Variants in KLK7 observed in about 807,000 individuals in gnomAD.
KLK7 encodes kallikrein-7.
A neutral mutation model predicts 21.0 loss-of-function variants in KLK7; 17 were observed. The ratio of observed to expected loss-of-function variants is 0.81; its 90% CI spans 0.55 to 1.21. The LOEUF is 1.21. Ranked by LOEUF, KLK7 falls within the 50% of genes most tolerant of loss-of-function variation. KLK7 has a pLI of 0.00. For missense variants in KLK7, 330 were observed against 322.8 expected, an observed-to-expected ratio of 1.02 and a Z score of -0.17; for synonymous variants, 151 against 134.6, an observed-to-expected ratio of 1.12 and a Z score of -0.85.
In KLK7 at chr19:50,979,870, T is replaced by C. The variant is rs748591385; in HGVS notation, c.524A>G (p.Asp175Gly). 6 of 1,589,866 alleles carry C rather than the reference T, an allele frequency of 3.8e-6. No homozygotes were observed. The South Asian group carries it at 6.9e-5, about 18-fold the overall frequency. The stretch of plus-strand genomic sequence containing the variant: ...TAAGTCCTTGTAAACCTTCGTGCAG[T>C]CCTGGGGGGAGATGAGCTTGACATC... ...CVDVKLISPQ[D>G]CTKVYKDLLE... Residue 175 changes from aspartate to glycine, a missense_variant, in exon 5 of 6, where the codon GAC (aspartate) becomes GGC (glycine). Physicochemically the swap from Asp to Gly is moderately conservative, Grantham distance 94. Transcript: ENST00000595820.
chr19:50,979,759 T>G (rs1275409834), intron 5 of KLK7, 29 bp downstream of exon 5: 7 of 1,556,884 alleles, frequency 4.5e-6, no homozygotes, highest in Non-Finnish European at 6.1e-6. Flanking sequence ...TACCCAGGAC[T>G]GGGGAGGAAT....
chr19:50,980,281 G>A lies in KLK7; in HGVS notation c.428C>T (p.Thr143Ile), dbSNP rs141430297. ...LPSRCEPPGT[T>I]CTVSGWGTTT... Reference sequence around the variant, plus strand: ...AGTGCCCCAGCCGGAGACAGTACAGGTGGTTCCAGGGGGTTCGCAGCGGGA... The same window carrying A: ...AGTGCCCCAGCCGGAGACAGTACAGATGGTTCCAGGGGGTTCGCAGCGGGA... The change falls in exon 4 of 6, where the codon ACC (threonine) becomes ATC (isoleucine). Residue 143 changes from threonine (T) to isoleucine (I), a missense_variant. By Grantham distance (89) the Thr-to-Ile change is moderately conservative (BLOSUM62 -1). Transcript: ENST00000595820. 3 of 1,613,932 alleles carry A rather than the reference G, an allele frequency of 1.9e-6. No homozygotes were observed. The African/African-American group carries it at 4.0e-5, about 22-fold the overall frequency.
In KLK7 at chr19:50,980,454, C is replaced by T. The variant is rs747957479; in HGVS notation, c.255G>A (p.Leu85=). The T allele has an allele frequency of 6.2e-7, 1 of 1,613,940 alleles. No homozygotes were observed. Among genetic ancestry groups the T allele is most frequent in the South Asian group, 1.1e-5 (1 of 91,072 alleles). Residue 85 remains leucine (L), a synonymous_variant, in exon 4 of 6, where the codon CTG becomes CTA. Transcript: ENST00000595820. ...TGATCCTCTGAGCTCTCCTGTCGCC[C>T]AGCGTATCACTGCCCAGGTGCACGG... is the stretch of plus-strand genomic sequence containing the variant. ...EYTVHLGSDT[L]GDRRAQRIKA... is the part of the protein sequence containing the mutation.
chr19:50,979,810 T>A lies in KLK7; in HGVS notation c.584A>T (p.Asp195Val). 1 of 1,572,738 alleles carries A rather than the reference T, an allele frequency of 6.4e-7. No homozygotes were observed. The highest frequency in any genetic ancestry group is 8.6e-7 in the Non-Finnish European group (1 of 1,158,170). Reference sequence around the variant, plus strand: ...CACATTGCAGGCGTTTTTCTTGGAGTCGGGGATGCCAGCGCACAGCATGGA... The same window carrying A: ...CACATTGCAGGCGTTTTTCTTGGAGACGGGGATGCCAGCGCACAGCATGGA... ...ENSMLCAGIP[D>V]SKKNACNGDS... is the part of the protein sequence containing the mutation. The change falls in exon 5 of 6, where the codon GAC becomes GTC. Residue 195 changes from aspartate to valine, a missense_variant. Transcript: ENST00000595820.
chr19:50,981,906 C>A lies in KLK7; in HGVS notation c.82G>T (p.Asp28Tyr). 6.2e-7 allele frequency: 1 copy of A among 1,612,750 alleles called. No homozygotes were observed. The highest frequency in any genetic ancestry group is 8.5e-7 in the Non-Finnish European group (1 of 1,179,604). ...LETAGEEAQGDKIIDGAPCAR... is the reference protein window; with the variant it reads ...LETAGEEAQGYKIIDGAPCAR... ...CATGGGGCGCCATCAATAATCTTGTCACCCTGGGCTGGATGGAGACATGGA... is the reference window on the plus strand; with the variant it reads ...CATGGGGCGCCATCAATAATCTTGTAACCCTGGGCTGGATGGAGACATGGA... The change falls in exon 3 of 6, where the codon GAC (aspartate) becomes TAC (tyrosine). Residue 28 changes from aspartate (D) to tyrosine (Y), a missense_variant. Coordinates refer to ENST00000595820, the MANE Select transcript of KLK7 (RefSeq NM_005046.4).
At position 50,979,812 on chromosome 19, in the gene KLK7, G is replaced by T; in HGVS notation, c.582C>A (p.Pro194=). ...LENSMLCAGI[P]DSKKNACNGD... The stretch of plus-strand genomic sequence containing the variant: ...CATTGCAGGCGTTTTTCTTGGAGTC[G>T]GGGATGCCAGCGCACAGCATGGAAT... Residue 194 remains proline (P), a synonymous_variant, in exon 5 of 6, where the codon CCC becomes CCA. Transcript: ENST00000595820. 1.9e-6 allele frequency: 3 copies of T among 1,574,310 alleles called. No individual in the cohort carries two copies. The highest frequency in any genetic ancestry group is 1.7e-6 in the Non-Finnish European group (2 of 1,158,824).
Position 50,976,644 on chromosome 19 carries a change from C to G in KLK7, c.*892G>C, listed in dbSNP as rs1008449634. On this transcript the variant is annotated 3_prime_UTR_variant, in exon 6 of 6. Coordinates refer to ENST00000595820, the MANE Select transcript of KLK7 (RefSeq NM_005046.4). The stretch of plus-strand genomic sequence containing the variant: ...CATTTTTTATGGGTAGGGTCACATA[C>G]ATATATATTTTTGTCCTTCCTTTTG... 1 of 152,202 alleles carries G rather than the reference C, an allele frequency of 6.6e-6. No individual in the cohort carries two copies. Among genetic ancestry groups the G allele is most frequent in the African/African-American group, 2.4e-5 (1 of 41,428 alleles). 9.4% of individuals were successfully genotyped at this position (152,202 alleles called of 1,614,324 possible). A position where few individuals can be genotyped will look rare whatever the true frequency, so the allele number is the denominator to read the frequency against.
chr19:50,978,204 G>A (rs914076472), intron 5 of KLK7, among the ~76,000 whole-genome samples: 2 of 152,172 alleles, frequency 1.3e-5, no homozygotes, highest in Admixed American at 6.5e-5. Flanking sequence ...TCTGAGTGTG[G>A]GGCTCTGTGT....
rs766024916 is a variant in KLK7, at chr19:50,977,680, C to T, written c.618G>A (p.Gly206=). 2.5e-6 allele frequency: 4 copies of T among 1,612,926 alleles called. No homozygotes were observed. Among genetic ancestry groups the T allele is most frequent in the Non-Finnish European group, 3.4e-6 (4 of 1,179,842 alleles). ...GGGTACCTCTGCACACCAACGGTCC[C>T]CCTGAGTCACCCTAGAGGGAATAGA... ...SKKNACNGDS[G]GPLVCRGTLQ... Residue 206 remains glycine, a synonymous_variant, in exon 6 of 6, where the codon GGG becomes GGA. Transcript: ENST00000595820.
chr19:50,978,323 C>T (rs2091051404), intron 5 of KLK7, among the ~76,000 whole-genome samples: 1 of 152,084 alleles, frequency 6.6e-6, no homozygotes, highest in East Asian at 1.9e-4. Flanking sequence ...CCCTAACACT[C>T]ACCATCCCAC....
At chr19:50,981,160 G>A (rs1302240797) in intron 3 of KLK7, among the ~76,000 whole-genome samples, 1 of 146,644 alleles carries the variant, frequency 6.8e-6, no homozygotes, top group Non-Finnish European at 1.5e-5. Context: ...CAGAGAGAGA[G>A]GGTGACAGAG....
At position 50,980,234 on chromosome 19, in the gene KLK7, A is replaced by G; in HGVS notation, c.469+6T>C. 6.2e-7 allele frequency: 1 copy of G among 1,613,432 alleles called. No homozygotes were observed. Reference sequence around the variant, plus strand: ...CCTGCACTCCTGGGTCACTGAGGCCACCTACCATCTGGGCTCGTGGTAGTG... The same window carrying G: ...CCTGCACTCCTGGGTCACTGAGGCCGCCTACCATCTGGGCTCGTGGTAGTG... On this transcript the variant is annotated splice_donor_region_variant and intron_variant, in intron 4 of 5. Transcript: ENST00000595820.
At chr19:50,979,517 T>C (rs1012390549) in intron 5 of KLK7, among the ~76,000 whole-genome samples, 2 of 152,240 alleles carry the variant, frequency 1.3e-5, no homozygotes, top group African/African-American at 4.8e-5. Flanking sequence ...GGTTTGGGCC[T>C]GAGGCCAGCA....
chr19:50,983,763 A>C, intron 1 of KLK7, 88 bp downstream of exon 1: 1 of 1,268,924 alleles, frequency 7.9e-7, no homozygotes, highest in South Asian at 1.3e-5. Flanking sequence ...TCTAGGCTGC[A>C]GCCCCTACCT....
rs1364715779 is a variant in KLK7, at chr19:50,979,862, T to C, written c.532A>G (p.Lys178Glu). Residue 178 changes from lysine to glutamate, a missense_variant, in exon 5 of 6, where the codon AAG becomes GAG. Lys to Glu is a moderately conservative substitution (Grantham distance 56, BLOSUM62 1). Transcript: ENST00000595820. ...TTTTCCAGTAAGTCCTTGTAAACCT[T>C]CGTGCAGTCCTGGGGGGAGATGAGC... ...VKLISPQDCT[K>E]VYKDLLENSM... is the part of the protein sequence containing the mutation. 2.5e-6 allele frequency: 4 copies of C among 1,587,480 alleles called. No homozygotes were observed. The highest frequency in any genetic ancestry group is 3.4e-6 in the Non-Finnish European group (4 of 1,166,516).
chr19:50,983,776 C>G (rs2091110002), intron 1 of KLK7, 75 bp downstream of exon 1: 9 of 1,279,492 alleles, frequency 7.0e-6, no homozygotes, highest in East Asian at 5.6e-5. Flanking sequence ...CCCTACCTCT[C>G]GAGAGCAGAG....
Position 50,982,288 on chromosome 19 carries a change from G to T in KLK7, c.73+39C>A, listed in dbSNP as rs145361666. On this transcript the variant is annotated intron_variant, in intron 2 of 5. Coordinates refer to ENST00000595820, the MANE Select transcript of KLK7 (RefSeq NM_005046.4). ...GACTCCTTGGAGAGGGTCAGTGGGG[G>T]CCCTGAGGTGAGGTCAGACTTCCCA... 6.3e-6 allele frequency: 10 copies of T among 1,593,414 alleles called. No homozygotes were observed. The East Asian group carries it at 2.3e-4, about 36-fold the overall frequency.
At chr19:50,984,044 C>A (rs377658105), upstream of KLK7, 46 of 635,520 alleles carry the variant, frequency 7.2e-5, 1 homozygote, top group African/African-American at 6.2e-4. Context: ...TATCTGGAAC[C>A]CTGACGCAGC....
intron 4 of KLK7, 25 bp from the exon 5 acceptor site, chr19:50,979,949 G>C: frequency 6.3e-7 from 1 of 1,585,094 alleles, no homozygotes; most frequent in Non-Finnish European, 8.6e-7. Flanking sequence ...AGGGAGAGCT[G>C]TCAGTCAGAG....
Sources: allele counts gnomAD v4.1 joint callset (sites outside exome capture counted in the v4.1 genomes callset), GRCh38; gene constraint gnomAD v4.1.1; transcripts MANE v1.5; gene names NCBI Gene and HGNC (gene_info 2026-07-23, HGNC 2026-07-21).